Variants in SEC63 observed in about 807,000 individuals in gnomAD.
SEC63 encodes the protein SEC63 protein translocation regulator, also known as translocation protein SEC63 homolog.
A neutral mutation model predicts 116.2 loss-of-function variants in SEC63; 56 were observed. The observed-to-expected ratio is 0.48, with a 90% CI of 0.39 to 0.60. The LOEUF (loss-of-function observed/expected upper bound fraction) is 0.60, where lower values mean the gene tolerates loss of function less well. SEC63 is among the 20% of genes least tolerant of loss of function. The pLI is 0.00. For missense variants in SEC63, 668 were observed against 900.0 expected (o/e 0.74, Z 3.30); for synonymous variants, 273 against 294.6 (o/e 0.93, Z 0.75).
rs138719147 is a variant in SEC63 at position 107,898,992 on chromosome 6, C to T, written c.1358-1261G>A. 4.6e-4 allele frequency among the ~76,000 whole-genome samples: 70 copies of T among 152,318 alleles called. No individual in the cohort carries two copies. The East Asian group carries it at 0.011, about 24-fold the overall frequency. ...GGTATCCCTTCTTCACCCTGGAAGT[C>T]TCCATTATCAAAAATCAAATCTGGG... On this transcript the variant is annotated intron_variant, in intron 13 of 20. Coordinates refer to ENST00000369002, the MANE Select transcript of SEC63 (RefSeq NM_007214.5).
intron 1 of SEC63, among the ~76,000 whole-genome samples, chr6:107,949,820 A>G (rs1583780884): frequency 1.3e-5 from 2 of 152,234 alleles, no homozygotes; most frequent in South Asian, 4.1e-4. Context: ...GTTTGTTTGT[A>G]GGAACACGGT....
chr6:107,912,498 T>G (rs1462992315), intron 6 of SEC63, among the ~76,000 whole-genome samples: 1 of 152,130 alleles, frequency 6.6e-6, no homozygotes, highest in East Asian at 1.9e-4. Context: ...GGCAGGAGAA[T>G]CGCTTGAACC....
intron 1 of SEC63, among the ~76,000 whole-genome samples, chr6:107,945,957 G>T (rs1205967185): frequency 2.0e-5 from 3 of 151,862 alleles, no homozygotes; most frequent in Admixed American, 6.6e-5. Flanking sequence ...TATTTTTTGA[G>T]ACGGAGTCTT....
intron 1 of SEC63, among the ~76,000 whole-genome samples, chr6:107,953,556 TC>T (rs1374582854): frequency 1.5e-4 from 21 of 139,968 alleles, no homozygotes; most frequent in Non-Finnish European, 9.1e-5. Flanking sequence ...AGCCGCCCCG[TC>T]CGGGAGGGAG....
At chr6:107,888,672 GT>G (rs1021544106) in intron 16 of SEC63, among the ~76,000 whole-genome samples, 21 of 152,234 alleles carry the variant, frequency 1.4e-4, no homozygotes, top group African/African-American at 4.6e-4. Flanking sequence ...TCTTGTGCTG[GT>G]TTTCAAAGAG....
At chr6:107,895,884 G>C (rs1259094158) in intron 14 of SEC63, among the ~76,000 whole-genome samples, 1 of 150,110 alleles carries the variant, frequency 6.7e-6, no homozygotes, top group Non-Finnish European at 1.5e-5. Flanking sequence ...AAAAAATTAG[G>C]CCAGGCATGG....
chr6:107,914,854 A>G (rs532643182), intron 4 of SEC63, among the ~76,000 whole-genome samples: 13 of 152,180 alleles, frequency 8.5e-5, no homozygotes, highest in African/African-American at 2.6e-4. Flanking sequence ...CCTCTATACA[A>G]TACTCCCAGA....
chr6:107,904,425 C>CA (rs1006742719), intron 11 of SEC63, among the ~76,000 whole-genome samples: 14 of 148,306 alleles, frequency 9.4e-5, no homozygotes, highest in South Asian at 2.1e-4. Flanking sequence ...AAAAAAAGAA[C>CA]AAAAAAAACC....
intron 4 of SEC63, among the ~76,000 whole-genome samples, chr6:107,918,749 T>G (rs765843605): frequency 6.6e-6 from 1 of 151,510 alleles, no homozygotes; most frequent in Non-Finnish European, 1.5e-5. Context: ...CTATAGCTGC[T>G]ACAGACACAG....
chr6:107,928,092 G>GA (rs1787716973), intron 2 of SEC63, among the ~76,000 whole-genome samples: 1 of 152,076 alleles, frequency 6.6e-6, no homozygotes, highest in Non-Finnish European at 1.5e-5. Context: ...ACAGTGAAGA[G>GA]AAAATTACTC....
At chr6:107,937,371 C>A (rs1583771230) in intron 1 of SEC63, among the ~76,000 whole-genome samples, 1 of 152,062 alleles carries the variant, frequency 6.6e-6, no homozygotes, top group African/African-American at 2.4e-5. Context: ...GGTGATCCAC[C>A]TGCCTCGGCC....
intron 14 of SEC63, among the ~76,000 whole-genome samples, chr6:107,896,115 G>A (rs1006754393): frequency 2.0e-5 from 3 of 152,006 alleles, no homozygotes; most frequent in East Asian, 1.9e-4. Context: ...GCAGTGAGCC[G>A]AGACTGCACC....
chr6:107,933,957 G>C (rs1275312595), intron 1 of SEC63, among the ~76,000 whole-genome samples: 1 of 152,254 alleles, frequency 6.6e-6, no homozygotes. Context: ...TCCTAACCGC[G>C]AGTGATCCGC....
chr6:107,880,929 A>C (rs1786400321), intron 18 of SEC63: 3 of 485,156 alleles, frequency 6.2e-6, no homozygotes, highest in Non-Finnish European at 1.1e-5. Context: ...AAAGAAAACC[A>C]CAGAAATACT....
chr6:107,946,806 C>A (rs1770489204), intron 1 of SEC63, among the ~76,000 whole-genome samples: 1 of 152,078 alleles, frequency 6.6e-6, no homozygotes, highest in Non-Finnish European at 1.5e-5. Context: ...GAGTTCAAGA[C>A]CAGCCTGGCC....
chr6:107,904,555 C>A, intron 11 of SEC63, 74 bp downstream of exon 11: 1 of 1,190,476 alleles, frequency 8.4e-7, no homozygotes. Flanking sequence ...ACCCATAAAT[C>A]CTAAAATATG....
intron 6 of SEC63, among the ~76,000 whole-genome samples, 163 bp from the exon 7 acceptor site, chr6:107,911,559 T>C (rs1787284445): frequency 6.6e-6 from 1 of 152,200 alleles, no homozygotes; most frequent in African/African-American, 2.4e-5. Context: ...AAGGTACCAT[T>C]ATTACCCTCC....
chr6:107,924,993 T>C, intron 2 of SEC63, 61 bp from the exon 3 acceptor site: 2 of 993,498 alleles, frequency 2.0e-6, no homozygotes, highest in Non-Finnish European at 3.2e-6. Flanking sequence ...TCTAAAGACA[T>C]TATGGCAAGG....
chr6:107,913,246 T>C, intron 5 of SEC63, 120 bp downstream of exon 5: 2 of 732,262 alleles, frequency 2.7e-6, no homozygotes, highest in Non-Finnish European at 2.3e-6. Context: ...TCAATTTATC[T>C]ATGTTAAACT....
Sources: gnomAD v4.1 joint callset for allele counts (sites outside exome capture counted in the v4.1 genomes callset) on GRCh38, gnomAD v4.1.1 for gene constraint, MANE v1.5 for transcripts, NCBI Gene and HGNC (gene_info 2026-07-23, HGNC 2026-07-21) for gene names.